CNTNAP2: variants seen among roughly 807,000 people sequenced by gnomAD.
CNTNAP2 encodes the protein contactin associated protein 2.
In CNTNAP2, 98 loss-of-function variants were observed where a neutral mutation model predicts 155.2. The ratio of observed to expected loss-of-function variants is 0.63; its 90% CI spans 0.54 to 0.75. The LOEUF is 0.75. CNTNAP2 is among the 30% of genes least tolerant of loss of function. The pLI, the probability that CNTNAP2 is intolerant of heterozygous loss-of-function variation, is 0.00. For synonymous variants in CNTNAP2, 651 were observed against 631.2 expected (o/e 1.03, Z -0.47); for missense variants, 1,727 against 1,688.1 (o/e 1.02, Z -0.40).
intron 13 of CNTNAP2, among the ~76,000 whole-genome samples, chr7:147,744,572 G>T (rs1409616676): frequency 2.0e-5 from 3 of 152,134 alleles, no homozygotes; most frequent in African/African-American, 7.2e-5. Context: ...GTTTGCAAGG[G>T]TTTCCATAAT....
At chr7:147,114,700 T>C (rs979565240) in intron 5 of CNTNAP2, among the ~76,000 whole-genome samples, 20 of 152,174 alleles carry the variant, frequency 1.3e-4, no homozygotes, top group Non-Finnish European at 2.4e-4. Flanking sequence ...AGCTTATGTG[T>C]GTGTTTGCAT....
chr7:148,290,446 G>T (rs73464202), intron 21 of CNTNAP2, among the ~76,000 whole-genome samples: 22,366 of 152,184 alleles, frequency 0.15, 2,011 homozygotes, highest in African/African-American at 0.24. Flanking sequence ...AGTAAATCTG[G>T]AAAACATTTT....
intron 8 of CNTNAP2, among the ~76,000 whole-genome samples, chr7:147,299,694 T>C (rs928281664): frequency 1.3e-5 from 2 of 152,248 alleles, no homozygotes; most frequent in African/African-American, 4.8e-5. Context: ...CATTTTCTTG[T>C]CTGAGAATAA....
intron 1 of CNTNAP2, among the ~76,000 whole-genome samples, chr7:146,729,300 CAGTG>C (rs1801484837): frequency 1.3e-5 from 2 of 152,080 alleles, no homozygotes; most frequent in African/African-American, 4.8e-5. Context: ...GGCATGATCA[CAGTG>C]AGTTTTAAAC....
chr7:146,685,909 T>A (rs1800589762), intron 1 of CNTNAP2, among the ~76,000 whole-genome samples: 1 of 152,204 alleles, frequency 6.6e-6, no homozygotes, highest in Admixed American at 6.5e-5. Context: ...ATGTGTTCAA[T>A]GGTAGTATTG....
chr7:146,220,024 C>T (rs116855239), intron 1 of CNTNAP2, among the ~76,000 whole-genome samples: 3 of 152,078 alleles, frequency 2.0e-5, no homozygotes, highest in South Asian at 2.1e-4. Context: ...AATTACTGAT[C>T]GAGCTGACAC....
intron 14 of CNTNAP2, among the ~76,000 whole-genome samples, chr7:147,954,781 C>T (rs908281504): frequency 1.1e-4 from 16 of 152,178 alleles, no homozygotes; most frequent in African/African-American, 2.9e-4. Context: ...TCAGTATATC[C>T]GTCCCCTATA....
chr7:147,561,920 TA>T (rs1343685533), intron 11 of CNTNAP2, among the ~76,000 whole-genome samples: 2 of 152,212 alleles, frequency 1.3e-5, no homozygotes, highest in Non-Finnish European at 1.5e-5. Context: ...TTCCCCAACA[TA>T]AAGTCATACC....
chr7:146,133,653 C>G (rs1363181584), intron 1 of CNTNAP2, among the ~76,000 whole-genome samples: 1 of 152,020 alleles, frequency 6.6e-6, no homozygotes, highest in East Asian at 1.9e-4. Flanking sequence ...TTTCCCAGCA[C>G]CATTTATTAA....
chr7:148,316,765 C>G (rs750331423), intron 21 of CNTNAP2, among the ~76,000 whole-genome samples: 1 of 152,164 alleles, frequency 6.6e-6, no homozygotes, highest in African/African-American at 2.4e-5. Context: ...AATCCTATTG[C>G]GATCTCATTT....
intron 12 of CNTNAP2, among the ~76,000 whole-genome samples, chr7:147,590,433 G>C (rs888222240): frequency 6.6e-6 from 1 of 152,072 alleles, no homozygotes; most frequent in African/African-American, 2.4e-5. Flanking sequence ...TCTTTATAAG[G>C]AGCTTCCCCC....
intron 13 of CNTNAP2, among the ~76,000 whole-genome samples, chr7:147,903,024 AC>A (rs57827049): frequency 0.35 from 52,847 of 151,740 alleles, 9,362 homozygotes; most frequent in Middle Eastern, 0.44. Context: ...TGGTAGTTCT[AC>A]TTTTAGTTCT....
At chr7:148,062,147 T>C (rs1368620895) in intron 15 of CNTNAP2, among the ~76,000 whole-genome samples, 16 of 151,510 alleles carry the variant, frequency 1.1e-4, no homozygotes, top group African/African-American at 3.6e-4. Flanking sequence ...AGAAGCTAAG[T>C]GGTTTTTTTA....
intron 3 of CNTNAP2, among the ~76,000 whole-genome samples, chr7:146,892,942 C>T (rs1322324889): frequency 6.6e-6 from 1 of 152,078 alleles, no homozygotes; most frequent in African/African-American, 2.4e-5. Context: ...TCTCTATATG[C>T]AGAGACAACT....
intron 1 of CNTNAP2, among the ~76,000 whole-genome samples, chr7:146,634,551 CT>C (rs755592844): frequency 1.3e-5 from 2 of 152,122 alleles, no homozygotes; most frequent in Non-Finnish European, 1.5e-5. Context: ...GATTTTACCC[CT>C]GATCAGATGA....
chr7:146,367,022 C>A (rs976372443), intron 1 of CNTNAP2, among the ~76,000 whole-genome samples: 1 of 152,092 alleles, frequency 6.6e-6, no homozygotes, highest in Admixed American at 6.6e-5. Context: ...ATGAAAATAG[C>A]TGCCTTGAGA....
chr7:146,517,262 G>A (rs139045613), intron 1 of CNTNAP2, among the ~76,000 whole-genome samples: 11 of 152,000 alleles, frequency 7.2e-5, no homozygotes, highest in Non-Finnish European at 1.3e-4. Flanking sequence ...TCCACTGGGG[G>A]TCTTGGTATG....
chr7:147,144,341 C>T (rs1433009503), intron 8 of CNTNAP2, among the ~76,000 whole-genome samples: 1 of 152,144 alleles, frequency 6.6e-6, no homozygotes, highest in African/African-American at 2.4e-5. Context: ...CCATCCTGAC[C>T]CCAGCACCTT....
At chr7:148,017,819 G>A (rs12539260) in intron 15 of CNTNAP2, among the ~76,000 whole-genome samples, 36,434 of 152,106 alleles carry the variant, frequency 0.24, 5,507 homozygotes, top group East Asian at 0.5. Context: ...ACCCTCTTGC[G>A]AATATACATG....
Sources: gnomAD v4.1 joint callset for allele counts (sites outside exome capture counted in the v4.1 genomes callset) on GRCh38, gnomAD v4.1.1 for gene constraint, MANE v1.5 for transcripts, NCBI Gene and HGNC (gene_info 2026-07-23, HGNC 2026-07-21) for gene names.